AGBL1: variants seen among roughly 807,000 people sequenced by gnomAD.
AGBL1 encodes the protein cytosolic carboxypeptidase 4.
Under a neutral mutation model 118.9 loss-of-function variants are expected in AGBL1, and 130 were observed. The observed-to-expected ratio is 1.09, with a 90% CI of 0.95 to 1.26. The LOEUF is 1.26. AGBL1 is among the 50% of genes most tolerant of loss of function. The probability of loss-of-function intolerance (pLI) is 0.00; values close to 1 mark genes in which losing one functional copy is unlikely to be tolerated. For missense variants in AGBL1, 1,584 were observed against 1,298.1 expected, an observed-to-expected ratio of 1.22 and a Z score of -3.38; for synonymous variants, 555 against 478.9, an observed-to-expected ratio of 1.16 and a Z score of -2.08.
intron 1 of AGBL1, among the ~76,000 whole-genome samples, chr15:86,129,811 T>C (rs963572543): frequency 1.3e-5 from 2 of 152,176 alleles, no homozygotes; most frequent in East Asian, 1.9e-4. Context: ...AACTCGTTGA[T>C]AGATTCTTTT....
At chr15:86,433,263 C>CTT (rs1292975189) in intron 18 of AGBL1, among the ~76,000 whole-genome samples, 20 of 54,976 alleles carry the variant, frequency 3.6e-4, no homozygotes, top group South Asian at 6.7e-4. Flanking sequence ...CCTCCTCCTT[C>CTT]TTCTTTTTTT....
chr15:86,175,046 C>T (rs2077464284), intron 5 of AGBL1, among the ~76,000 whole-genome samples: 1 of 152,064 alleles, frequency 6.6e-6, no homozygotes, highest in South Asian at 2.1e-4. Flanking sequence ...ATTCCCTCCT[C>T]TTTAATTTTT....
chr15:86,553,435 T>G (rs1231199913), intron 20 of AGBL1, among the ~76,000 whole-genome samples: 1 of 152,050 alleles, frequency 6.6e-6, no homozygotes, highest in Non-Finnish European at 1.5e-5. Context: ...CAAGAAAAGG[T>G]GGAACATATG....
intron 22 of AGBL1, among the ~76,000 whole-genome samples, chr15:86,718,940 G>A (rs1262488541): frequency 9.2e-5 from 14 of 152,012 alleles, no homozygotes; most frequent in African/African-American, 1.9e-4. Flanking sequence ...GAATCCCTGC[G>A]TCTGGTACTG....
chr15:86,488,907 GA>G (rs199509843), intron 18 of AGBL1, among the ~76,000 whole-genome samples: 101 of 148,632 alleles, frequency 6.8e-4, no homozygotes, highest in Admixed American at 2.6e-3. Flanking sequence ...CTCTTGATAG[GA>G]AAAAAAAAAT....
At chr15:86,604,788 C>T (rs1357569072) in intron 21 of AGBL1, among the ~76,000 whole-genome samples, 15 of 143,052 alleles carry the variant, frequency 1.0e-4, no homozygotes, top group African/African-American at 1.0e-4. Flanking sequence ...CTTTTTTTTT[C>T]TTTTCTTTCT....
intron 5 of AGBL1, among the ~76,000 whole-genome samples, chr15:86,166,724 C>T (rs1222151864): frequency 6.6e-6 from 1 of 152,132 alleles, no homozygotes; most frequent in Admixed American, 6.5e-5. Context: ...ATTGCTGGTT[C>T]TGTATTTATT....
intron 21 of AGBL1, among the ~76,000 whole-genome samples, chr15:86,668,843 G>C (rs1360300224): frequency 6.6e-6 from 1 of 152,176 alleles, no homozygotes; most frequent in African/African-American, 2.4e-5. Flanking sequence ...GGGCATATTT[G>C]ACTTTCTTGG....
At chr15:86,895,076 C>CCTT in intron 22 of AGBL1, among the ~76,000 whole-genome samples, 1 of 151,052 alleles carries the variant, frequency 6.6e-6, no homozygotes, top group Non-Finnish European at 1.5e-5. Context: ...TCCCTCCTTC[C>CCTT]CTTTCTTTTA....
chr15:86,572,740 C>T (rs2084028655), intron 21 of AGBL1, among the ~76,000 whole-genome samples: 1 of 152,250 alleles, frequency 6.6e-6, no homozygotes, highest in Admixed American at 6.5e-5. Context: ...CTCCAGCTGC[C>T]ACCGCCTGCG....
intron 22 of AGBL1, among the ~76,000 whole-genome samples, chr15:86,889,666 ATTAG>A (rs1567225608): frequency 6.6e-6 from 1 of 151,976 alleles, no homozygotes; most frequent in Non-Finnish European, 1.5e-5. Context: ...CTGTTCCTGT[ATTAG>A]TTTGCTGAGG....
At chr15:86,586,655 A>G (rs2084253017) in intron 21 of AGBL1, among the ~76,000 whole-genome samples, 1 of 152,202 alleles carries the variant, frequency 6.6e-6, no homozygotes, top group African/African-American at 2.4e-5. Context: ...GGTTTAATAC[A>G]TTTCAGGAAG....
intron 1 of AGBL1, among the ~76,000 whole-genome samples, chr15:86,092,336 G>A (rs768527642): frequency 1.3e-5 from 2 of 152,130 alleles, no homozygotes; most frequent in Non-Finnish European, 2.9e-5. Flanking sequence ...TGAAGCAGTA[G>A]CAATGTTCCC....
chr15:86,906,887 G>A (rs2080287931), intron 22 of AGBL1, among the ~76,000 whole-genome samples, 200 bp from the exon 23 acceptor site: 1 of 152,120 alleles, frequency 6.6e-6, no homozygotes, highest in Admixed American at 6.5e-5. Context: ...GTGATCTGAG[G>A]TTAAAACTCA....
intron 5 of AGBL1, among the ~76,000 whole-genome samples, chr15:86,161,223 A>C (rs2077263140): frequency 6.6e-6 from 1 of 152,184 alleles, no homozygotes; most frequent in Admixed American, 6.5e-5. Context: ...CTTCAGTCAA[A>C]TGCCATATTA....
chr15:86,645,557 T>G (rs1246036905), intron 21 of AGBL1, among the ~76,000 whole-genome samples: 2 of 152,220 alleles, frequency 1.3e-5, no homozygotes, highest in Non-Finnish European at 2.9e-5. Flanking sequence ...GACTCTGTGA[T>G]CTAGGTCTTC....
At position 86,211,073 on chromosome 15, in the gene AGBL1, C is replaced by G. The variant is rs183683771; in HGVS notation, c.489-13841C>G. On this transcript the variant is annotated intron_variant, in intron 5 of 22. Transcript: ENST00000614907. ...TTAGTTTTCCTTCTAAGAGTCAGGTCCCTAAGCTTCAGGTCTGTTGGAGTT... is the reference window on the plus strand; with the variant it reads ...TTAGTTTTCCTTCTAAGAGTCAGGTGCCTAAGCTTCAGGTCTGTTGGAGTT... 9.4e-4 allele frequency among the ~76,000 whole-genome samples: 143 copies of G among 152,286 alleles called. 2 individuals are homozygous for G. Among genetic ancestry groups the G allele is most frequent in the Non-Finnish European group, 8.5e-4 (58 of 68,022 alleles).
intron 5 of AGBL1, among the ~76,000 whole-genome samples, chr15:86,222,009 A>G (rs1209173742): frequency 6.6e-6 from 1 of 152,228 alleles, no homozygotes; most frequent in African/African-American, 2.4e-5. Context: ...GGTGAAGTTC[A>G]GTTTCCAAAC....
chr15:86,663,482 G>A (rs1202278181), intron 21 of AGBL1, among the ~76,000 whole-genome samples: 1 of 152,142 alleles, frequency 6.6e-6, no homozygotes, highest in Non-Finnish European at 1.5e-5. Flanking sequence ...GCTGCAGGTA[G>A]GTTTCAGAAG....
Sources: gnomAD v4.1 joint callset for allele counts (sites outside exome capture counted in the v4.1 genomes callset) on GRCh38, gnomAD v4.1.1 for gene constraint, MANE v1.5 for transcripts, NCBI Gene and HGNC (gene_info 2026-07-23, HGNC 2026-07-21) for gene names.